The following COL22A1 variants were observed in gnomAD, a reference collection of about 807,000 sequenced individuals.
COL22A1 encodes the protein collagen type XXII alpha 1 chain, also known as collagen alpha-1(XXII) chain.
Under a neutral mutation model 248.9 loss-of-function variants are expected in COL22A1, and 221 were observed. That is an observed-to-expected ratio of 0.89 (90% confidence interval 0.80 to 0.99). The LOEUF is 0.99. Among genes scored for constraint, COL22A1 ranks in the 50% least tolerant of loss-of-function variants. COL22A1 has a pLI of 0.00. For synonymous variants in COL22A1, 891 were observed against 793.4 expected (o/e 1.12, Z -2.07); for missense variants, 2,240 against 2,179.0 (o/e 1.03, Z -0.56).
chr8:138,805,966 G>T (rs1305549066), intron 10 of COL22A1, among the ~76,000 whole-genome samples: 1 of 131,622 alleles, frequency 7.6e-6, no homozygotes, highest in Non-Finnish European at 1.6e-5. Context: ...GTGTGTATGT[G>T]TGATAGTGTG....
intron 26 of COL22A1, among the ~76,000 whole-genome samples, chr8:138,721,016 T>C (rs1829828955): frequency 6.6e-6 from 1 of 152,194 alleles, no homozygotes; most frequent in African/African-American, 2.4e-5. Context: ...AAAAATATAA[T>C]TGAGGAGAAT....
intron 23 of COL22A1, among the ~76,000 whole-genome samples, chr8:138,734,250 G>A (rs1008768250): frequency 5.9e-5 from 9 of 152,280 alleles, no homozygotes; most frequent in African/African-American, 2.2e-4. Flanking sequence ...GAGATTTAGG[G>A]TTCAGATGAA....
At chr8:138,715,261 T>TA (rs1223451792) in intron 30 of COL22A1, among the ~76,000 whole-genome samples, 1 of 152,128 alleles carries the variant, frequency 6.6e-6, no homozygotes, top group Non-Finnish European at 1.5e-5. Context: ...TGCGGAAATG[T>TA]AAAGATTCAG....
intron 49 of COL22A1, among the ~76,000 whole-genome samples, chr8:138,633,049 TC>T (rs1245155770): frequency 6.6e-6 from 1 of 152,176 alleles, no homozygotes; most frequent in East Asian, 1.9e-4. Flanking sequence ...GCTACCCATA[TC>T]CCTGCATATT....
intron 5 of COL22A1, among the ~76,000 whole-genome samples, chr8:138,829,769 A>G (rs1450610578): frequency 6.6e-6 from 1 of 152,026 alleles, no homozygotes; most frequent in African/African-American, 2.4e-5. Context: ...AATGAATCCA[A>G]TTATGCTATT....
At chr8:138,671,516 C>T (rs905225363) in intron 41 of COL22A1, among the ~76,000 whole-genome samples, 13 of 152,318 alleles carry the variant, frequency 8.5e-5, no homozygotes, top group Middle Eastern at 3.4e-3. Flanking sequence ...ATCATCTCTG[C>T]GTGAGCAGTC....
intron 16 of COL22A1, among the ~76,000 whole-genome samples, chr8:138,768,150 A>C (rs1245401398): frequency 1.3e-5 from 2 of 152,048 alleles, no homozygotes; most frequent in Non-Finnish European, 2.9e-5. Flanking sequence ...TCCCATTGCC[A>C]AAGTGGTCTC....
intron 13 of COL22A1, among the ~76,000 whole-genome samples, chr8:138,779,928 G>C (rs1814809042): frequency 6.6e-6 from 1 of 152,158 alleles, no homozygotes; most frequent in Non-Finnish European, 1.5e-5. Flanking sequence ...ACTGCAGCCG[G>C]TTGTTTTGTT....
intron 47 of COL22A1, among the ~76,000 whole-genome samples, chr8:138,642,144 G>C (rs949379180): frequency 6.6e-6 from 1 of 152,160 alleles, no homozygotes; most frequent in Non-Finnish European, 1.5e-5. Flanking sequence ...ATTAGGAGCT[G>C]TCCTGGGTGC....
intron 45 of COL22A1, among the ~76,000 whole-genome samples, chr8:138,652,733 TG>T (rs1564146829): frequency 1.5e-5 from 2 of 133,072 alleles, no homozygotes; most frequent in African/African-American, 5.4e-5. Context: ...TTTCCTTTTC[TG>T]GTTTTTTTTT....
At chr8:138,826,521 C>G (rs1407768593) in intron 6 of COL22A1, 137 bp downstream of exon 6, 2 of 869,104 alleles carry the variant, frequency 2.3e-6, no homozygotes, top group Non-Finnish European at 3.6e-6. Flanking sequence ...GTCCTCTGAG[C>G]CTCCATACGC....
chr8:138,758,900 A>T (rs945986832), intron 18 of COL22A1, among the ~76,000 whole-genome samples: 1 of 152,186 alleles, frequency 6.6e-6, no homozygotes. Flanking sequence ...GTTGAAACTT[A>T]TAACACCCAC....
chr8:138,630,641 T>A, intron 50 of COL22A1, 54 bp downstream of exon 50: 1 of 1,531,732 alleles, frequency 6.5e-7, no homozygotes, highest in Non-Finnish European at 9.0e-7. Flanking sequence ...CACCTGGGGT[T>A]CCAGAAAGGC....
intron 11 of COL22A1, among the ~76,000 whole-genome samples, chr8:138,801,391 G>A (rs541973249): frequency 5.3e-5 from 8 of 152,270 alleles, no homozygotes; most frequent in Admixed American, 1.3e-4. Context: ...GCATCACTAC[G>A]CATGAGGGGG....
At chr8:138,697,182 T>C (rs543950409) in intron 32 of COL22A1, among the ~76,000 whole-genome samples, 1 of 152,292 alleles carries the variant, frequency 6.6e-6, no homozygotes, top group South Asian at 2.1e-4. Flanking sequence ...GGAAGGGCTC[T>C]GTCAGTAGCT....
At chr8:138,705,639 C>G (rs558717764) in intron 30 of COL22A1, among the ~76,000 whole-genome samples, 1 of 152,172 alleles carries the variant, frequency 6.6e-6, no homozygotes, top group Non-Finnish European at 1.5e-5. Context: ...AAGCACTAAA[C>G]ATGGAAAGGA....
Position 138,694,944 on chromosome 8 carries a change from T to C in COL22A1, c.2593-65A>G, listed in dbSNP as rs572421242. On this transcript the variant is annotated intron_variant, in intron 32 of 64. Coordinates refer to ENST00000303045, the MANE Select transcript of COL22A1 (RefSeq NM_152888.3). ...GAACTGCCCCTCGTCACAGGGTACA[T>C]GTCCCCAGCTCCGGACACACAGGCC... 2.1e-4 allele frequency: 321 copies of C among 1,525,488 alleles called. 5 individuals are homozygous for C. In the South Asian group the frequency reaches 3.3e-3, roughly 15 times the overall value. The allele number at this position is 1,525,488 out of a possible 1,614,324, so 94.5% of individuals were successfully genotyped here. A position where few individuals can be genotyped will look rare whatever the true frequency, so the allele number is the denominator to read the frequency against.
chr8:138,732,675 C>T (rs988383398), intron 23 of COL22A1, among the ~76,000 whole-genome samples: 1 of 152,050 alleles, frequency 6.6e-6, no homozygotes, highest in Non-Finnish European at 1.5e-5. Flanking sequence ...ATATTAACAA[C>T]AAAATATGAC....
intron 47 of COL22A1, among the ~76,000 whole-genome samples, chr8:138,638,384 T>TTTG (rs1821378013): frequency 6.6e-6 from 1 of 152,156 alleles, no homozygotes; most frequent in Admixed American, 6.5e-5. Context: ...CTGGTCTCAG[T>TTTG]TTGTTCATCT....
Sources: gnomAD v4.1 joint callset for allele counts (sites outside exome capture counted in the v4.1 genomes callset) on GRCh38, gnomAD v4.1.1 for gene constraint, MANE v1.5 for transcripts, NCBI Gene and HGNC (gene_info 2026-07-23, HGNC 2026-07-21) for gene names.